Variants in KIF13B observed in about 807,000 individuals in gnomAD.
KIF13B encodes the protein kinesin family member 13B, also known as kinesin-like protein KIF13B.
KIF13B carries 127 observed loss-of-function variants against 222.0 expected under a neutral mutation model. The observed-to-expected ratio is 0.57, with a 90% CI of 0.50 to 0.66. KIF13B has a LOEUF of 0.66. Among genes scored for constraint, KIF13B ranks in the 30% least tolerant of loss-of-function variants. KIF13B has a pLI of 0.00. For missense variants in KIF13B, 2,173 were observed against 2,379.0 expected (o/e 0.91, Z 1.80); for synonymous variants, 976 against 919.0 (o/e 1.06, Z -1.12).
chr8:29,253,828 C>CAAAAAAAAAAAA (rs1163069689), intron 1 of KIF13B, among the ~76,000 whole-genome samples: 1 of 21,546 alleles, frequency 4.6e-5, no homozygotes, highest in Non-Finnish European at 9.8e-5. Flanking sequence ...GAGACTGTCT[C>CAAAAAAAAAAAA]AAAAAAAAAA....
intron 29 of KIF13B, among the ~76,000 whole-genome samples, chr8:29,119,314 C>T (rs1198675672): frequency 1.3e-5 from 2 of 152,196 alleles, no homozygotes; most frequent in Non-Finnish European, 2.9e-5. Flanking sequence ...AAATTCCGTA[C>T]CATTTAGTGC....
At chr8:29,260,024 C>T (rs1816623797) in intron 1 of KIF13B, among the ~76,000 whole-genome samples, 2 of 151,984 alleles carry the variant, frequency 1.3e-5, no homozygotes, top group African/African-American at 4.8e-5. Flanking sequence ...TTTTCTTTTT[C>T]CTTTTGTTAG....
chr8:29,127,628 A>G (rs550732968), intron 24 of KIF13B, among the ~76,000 whole-genome samples: 1 of 152,360 alleles, frequency 6.6e-6, no homozygotes, highest in East Asian at 1.9e-4. Context: ...CACTTCCTAA[A>G]TTGGCAATTA....
intron 13 of KIF13B, among the ~76,000 whole-genome samples, chr8:29,158,640 T>G (rs1811639252): frequency 6.6e-6 from 1 of 152,238 alleles, no homozygotes; most frequent in Admixed American, 6.5e-5. Context: ...TGAATAATGC[T>G]CAGCCTCCAA....
chr8:29,121,192 T>C (rs1195723094), intron 29 of KIF13B, among the ~76,000 whole-genome samples: 1 of 139,810 alleles, frequency 7.2e-6, no homozygotes, highest in East Asian at 2.2e-4. Flanking sequence ...CTTCACAGAA[T>C]TGGAAAAAAC....
chr8:29,101,755 A>C (rs150257831), intron 35 of KIF13B, among the ~76,000 whole-genome samples: 155 of 152,142 alleles, frequency 1.0e-3, no homozygotes, highest in African/African-American at 3.7e-3. Flanking sequence ...TTCTGATCCC[A>C]CTGTCCTGAG....
chr8:29,114,853 C>A (rs1453400431), intron 31 of KIF13B, among the ~76,000 whole-genome samples: 3 of 152,060 alleles, frequency 2.0e-5, no homozygotes, highest in Non-Finnish European at 4.4e-5. Flanking sequence ...CAGGTCAGTC[C>A]CAGGGCCTGG....
intron 10 of KIF13B, among the ~76,000 whole-genome samples, chr8:29,173,928 G>T (rs960666241): frequency 7.1e-6 from 1 of 139,992 alleles, no homozygotes; most frequent in Admixed American, 7.4e-5. Flanking sequence ...GGGCAACAGA[G>T]CGAGGCTCCG....
chr8:29,230,728 G>C (rs1185240200), intron 2 of KIF13B, among the ~76,000 whole-genome samples: 1 of 152,228 alleles, frequency 6.6e-6, no homozygotes, highest in East Asian at 1.9e-4. Flanking sequence ...CCAAGGAGAG[G>C]TGAGGCCAAG....
chr8:29,126,756 T>G lies in KIF13B; in HGVS notation c.3223-245A>C, dbSNP rs1810129912. Among the ~76,000 whole-genome samples, 8 of 152,266 alleles carry G rather than the reference T, an allele frequency of 5.3e-5. 1 individual carries two copies. The South Asian group carries it at 1.7e-3, about 32-fold the overall frequency. Reference sequence around the variant, plus strand: ...GGAACCAGTGCAATGCTCTCCCTGCTGGGTTTATAGTCCCACTCGCCAGGG... The same window carrying G: ...GGAACCAGTGCAATGCTCTCCCTGCGGGGTTTATAGTCCCACTCGCCAGGG... On this transcript the variant is annotated intron_variant, in intron 25 of 39. Coordinates refer to ENST00000524189, the MANE Select transcript of KIF13B (RefSeq NM_015254.4).
intron 5 of KIF13B, among the ~76,000 whole-genome samples, 156 bp downstream of exon 5, chr8:29,188,359 T>A (rs1214900597): frequency 6.6e-6 from 1 of 152,222 alleles, no homozygotes. Context: ...TACACTCATT[T>A]TAAAATAATG....
At chr8:29,245,605 C>T (rs1046334247) in intron 1 of KIF13B, among the ~76,000 whole-genome samples, 166 bp from the exon 2 acceptor site, 2 of 152,148 alleles carry the variant, frequency 1.3e-5, no homozygotes, top group East Asian at 1.9e-4. Context: ...CCAACAAAAA[C>T]CCACAGCTAA....
At chr8:29,132,504 T>C (rs915789276) in intron 22 of KIF13B, 39 bp from the exon 23 acceptor site, 14 of 1,330,754 alleles carry the variant, frequency 1.1e-5, no homozygotes, top group South Asian at 2.0e-5. Context: ...GCAAACTCTT[T>C]CTGGTAATCT....
chr8:29,134,332 A>C, intron 21 of KIF13B, 122 bp from the exon 22 acceptor site: 2 of 849,562 alleles, frequency 2.4e-6, no homozygotes, highest in Non-Finnish European at 3.7e-6. Context: ...TGTTGGCCAA[A>C]TCCCATTCAC....
intron 6 of KIF13B, among the ~76,000 whole-genome samples, chr8:29,185,253 G>C (rs184335270): frequency 6.6e-6 from 1 of 152,078 alleles, no homozygotes; most frequent in Non-Finnish European, 1.5e-5. Flanking sequence ...TTCCCACTCC[G>C]CACAAATGTT....
Position 29,072,330 on chromosome 8 carries a change from G to A in KIF13B, c.4522-14C>T. Reference sequence around the variant, plus strand: ...CTCCGGCTGAGCCTGCAGCAGGACGGGGAAGCAGGGGCTGAGAACAGAAAA... The same window carrying A: ...CTCCGGCTGAGCCTGCAGCAGGACGAGGAAGCAGGGGCTGAGAACAGAAAA... On this transcript the variant is annotated splice_polypyrimidine_tract_variant and intron_variant, in intron 38 of 39. Coordinates refer to ENST00000524189, the MANE Select transcript of KIF13B (RefSeq NM_015254.4). 3.6e-6 allele frequency: 5 copies of A among 1,391,212 alleles called. No individual in the cohort carries two copies. The highest frequency in any genetic ancestry group is 4.7e-6 in the Non-Finnish European group (5 of 1,067,252). The allele number at this position is 1,391,212 out of a possible 1,614,324, so 86.2% of individuals were successfully genotyped here. A position where few individuals can be genotyped will look rare whatever the true frequency, so the allele number is the denominator to read the frequency against.
At chr8:29,198,872 C>T (rs1212766105) in intron 2 of KIF13B, among the ~76,000 whole-genome samples, 2 of 152,066 alleles carry the variant, frequency 1.3e-5, no homozygotes, top group African/African-American at 2.4e-5. Flanking sequence ...AAGCTATGAG[C>T]ATGCAGAGGC....
intron 6 of KIF13B, among the ~76,000 whole-genome samples, chr8:29,184,002 AAT>A (rs1195625152): frequency 6.6e-6 from 1 of 152,148 alleles, no homozygotes; most frequent in Non-Finnish European, 1.5e-5. Flanking sequence ...TTAAATCTAA[AAT>A]CTATAGTACC....
rs755491671 is a variant in KIF13B, at chr8:29,071,857, G to A, written c.4981C>T (p.Arg1661Cys). 2.6e-6 allele frequency: 4 copies of A among 1,536,956 alleles called. No homozygotes were observed. Among genetic ancestry groups the A allele is most frequent in the Admixed American group, 3.9e-5 (2 of 50,670 alleles). ...CAGCCGGGGTCCCCAGCCAGCATGC[G>A]CGAGAAGGAGCGCAACTCCGAGGCC... is the stretch of plus-strand genomic sequence containing the variant. The part of the protein sequence containing the change: ...VRASELRSFS[R>C]MLAGDPGCSP... The change falls in exon 39 of 40, where the codon CGC becomes TGC. Residue 1661 changes from arginine (R) to cysteine (C), a missense_variant. Arg to Cys is a radical substitution (Grantham distance 180). This residue lies in a region of KIF13B where 693 missense variants were observed against 656.2 expected (regional missense o/e 1.06). Transcript: ENST00000524189. This position sits in a 1 kb window ranked among gnomAD's most constrained non-coding sequence, Gnocchi z 4.9.
Sources: gnomAD v4.1 joint callset for allele counts (sites outside exome capture counted in the v4.1 genomes callset) on GRCh38, gnomAD v4.1.1 for gene constraint, gnomAD v4.1.1 regional missense constraint, Gnocchi (gnomAD v3.1) non-coding constraint, MANE v1.5 for transcripts, NCBI Gene and HGNC (gene_info 2026-07-23, HGNC 2026-07-21) for gene names.